Variants in SLC17A3 observed in about 807,000 individuals in gnomAD.
SLC17A3 encodes solute carrier family 17 member 3.
A neutral mutation model predicts 60.3 loss-of-function variants in SLC17A3; 61 were observed. The ratio of observed to expected loss-of-function variants is 1.01; its 90% CI spans 0.82 to 1.25. The LOEUF (loss-of-function observed/expected upper bound fraction) is 1.25, where lower values mean the gene tolerates loss of function less well. Ranked by LOEUF, SLC17A3 falls within the 50% of genes most tolerant of loss-of-function variation. The pLI, the probability that SLC17A3 is intolerant of heterozygous loss-of-function variation, is 0.00. For missense variants in SLC17A3, 624 were observed against 594.9 expected (o/e 1.05, Z -0.51); for synonymous variants, 192 against 208.9 (o/e 0.92, Z 0.70).
At chr6:25,862,591 T>G (rs1765471167) in intron 2 of SLC17A3, 147 bp from the exon 3 acceptor site, 2 of 744,714 alleles carry the variant, frequency 2.7e-6, no homozygotes, top group Non-Finnish European at 4.6e-6. Context: ...GAAAGGAAGA[T>G]ACAAAAGGAG....
chr6:25,872,852 A>T (rs1765667711), intron 1 of SLC17A3, among the ~76,000 whole-genome samples: 1 of 151,888 alleles, frequency 6.6e-6, no homozygotes, highest in South Asian at 2.1e-4. Context: ...CTGACTTTTG[A>T]AAATATTAAT....
At chr6:25,853,965 C>T (rs1041692968) in intron 6 of SLC17A3, among the ~76,000 whole-genome samples, 4 of 152,028 alleles carry the variant, frequency 2.6e-5, no homozygotes, top group Non-Finnish European at 4.4e-5. Context: ...TTTTCTTTAA[C>T]TCATTGGAAG....
intron 5 of SLC17A3, among the ~76,000 whole-genome samples, chr6:25,859,969 T>C (rs149219240): frequency 6.6e-6 from 1 of 152,278 alleles, no homozygotes; most frequent in Non-Finnish European, 1.5e-5. Context: ...ACCTCTGGGA[T>C]AGCTTGTCTG....
At chr6:25,854,528 T>C (rs1458357265) in intron 6 of SLC17A3, among the ~76,000 whole-genome samples, 1 of 152,180 alleles carries the variant, frequency 6.6e-6, no homozygotes, top group Non-Finnish European at 1.5e-5. Flanking sequence ...AAGAGCTCAC[T>C]GTCCAGAAGG....
chr6:25,861,165 T>C (rs1050234615), intron 5 of SLC17A3, among the ~76,000 whole-genome samples: 4 of 152,150 alleles, frequency 2.6e-5, no homozygotes, highest in Non-Finnish European at 5.9e-5. Context: ...AGGCAGATCA[T>C]TGTCAGCAAG....
intron 5 of SLC17A3, among the ~76,000 whole-genome samples, chr6:25,858,877 T>C (rs1444671108): frequency 6.6e-6 from 1 of 152,242 alleles, no homozygotes; most frequent in East Asian, 1.9e-4. Context: ...TCACATGTAT[T>C]AACCTGTGTG....
intron 1 of SLC17A3, among the ~76,000 whole-genome samples, chr6:25,870,268 G>T (rs557860079): frequency 6.6e-6 from 1 of 151,932 alleles, no homozygotes; most frequent in Admixed American, 6.6e-5. Flanking sequence ...AAATTGCCCT[G>T]GTTCTATATT....
Position 25,855,206 on chromosome 6 carries a change from G to T in SLC17A3, c.650C>A (p.Ala217Asp), listed in dbSNP as rs142245133. The change falls in exon 6 of 13, where the codon GCC becomes GAC. Residue 217 changes from alanine to aspartate, a missense_variant. Coordinates refer to ENST00000397060, the MANE Select transcript of SLC17A3 (RefSeq NM_001098486.2). ...ACTAATGAAGCCACCTATGAGGATG[G>T]CAGTAAAGCATCCCAGTAACATTCC... ...LSGMLLGCFT[A>D]ILIGGFISET... The T allele has an allele frequency of 5.2e-5, 84 of 1,613,124 alleles. No individual in the cohort carries two copies. Among genetic ancestry groups the T allele is most frequent in the Non-Finnish European group, 6.6e-5 (78 of 1,179,382 alleles).
intron 2 of SLC17A3, among the ~76,000 whole-genome samples, chr6:25,866,927 G>T (rs1765545451): frequency 6.6e-6 from 1 of 151,882 alleles, no homozygotes; most frequent in African/African-American, 2.4e-5. Flanking sequence ...CAATAATACT[G>T]CATTTTGTCA....
Position 25,849,450 on chromosome 6 carries a change from A to G in SLC17A3, c.1286T>C (p.Leu429Pro). 6.2e-7 allele frequency: 1 copy of G among 1,609,570 alleles called. No homozygotes were observed. The highest frequency in any genetic ancestry group is 8.5e-7 in the Non-Finnish European group (1 of 1,175,854). The change falls in exon 11 of 13, where the codon CTC becomes CCC. Residue 429 changes from leucine to proline, a missense_variant. Physicochemically the swap from Leu to Pro is moderately conservative, Grantham distance 98. Coordinates refer to ENST00000397060, the MANE Select transcript of SLC17A3 (RefSeq NM_001098486.2). ...LDIAPRYSSF[L>P]MGASRGFSSI... ...CGAAAATCCTCTTGATGCTCCCATGAGAAAACTGGAATACCTGTGGGTGAC... is the reference window on the plus strand; with the variant it reads ...CGAAAATCCTCTTGATGCTCCCATGGGAAAACTGGAATACCTGTGGGTGAC...
intron 2 of SLC17A3, among the ~76,000 whole-genome samples, chr6:25,866,331 C>T (rs1245714275): frequency 3.9e-5 from 6 of 152,008 alleles, no homozygotes; most frequent in African/African-American, 1.4e-4. Context: ...AGCCAGAGCC[C>T]TCAGTCATAC....
chr6:25,862,207 A>G, intron 3 of SLC17A3, 26 bp downstream of exon 3: 1 of 1,590,478 alleles, frequency 6.3e-7, no homozygotes, highest in Non-Finnish European at 8.6e-7. Flanking sequence ...AAAGAAAAGC[A>G]CAAATTTATA....
chr6:25,866,845 T>C (rs1765543575), intron 2 of SLC17A3, among the ~76,000 whole-genome samples: 1 of 151,930 alleles, frequency 6.6e-6, no homozygotes, highest in South Asian at 2.1e-4. Context: ...GCTAAGATAA[T>C]TGGTTACATA....
Position 25,850,587 on chromosome 6 carries a change from C to T in SLC17A3, c.865G>A (p.Ala289Thr). ...CAAATGGGTAGAGATCTGAGCATAG[C>T]TTTGATGGGAAGAGGCTGCTTAGAA... ...GSSKQPLPIK[A>T]MLRSLPIWSI... Residue 289 changes from alanine to threonine, a missense_variant, in exon 8 of 13, where the codon GCT (alanine) becomes ACT (threonine). Ala to Thr is a moderately conservative substitution (Grantham distance 58). Transcript: ENST00000397060. 6.2e-7 allele frequency: 1 copy of T among 1,613,984 alleles called. No homozygotes were observed.
intron 11 of SLC17A3, among the ~76,000 whole-genome samples, chr6:25,847,913 T>G (rs1171209849): frequency 6.6e-6 from 1 of 152,054 alleles, no homozygotes; most frequent in Non-Finnish European, 1.5e-5. Context: ...ACCTTCCCCC[T>G]GAGTCCTCAA....
At chr6:25,860,697 G>A (rs1050598911) in intron 5 of SLC17A3, among the ~76,000 whole-genome samples, 6 of 152,134 alleles carry the variant, frequency 3.9e-5, no homozygotes, top group African/African-American at 1.4e-4. Flanking sequence ...TCTAGATACT[G>A]TCATTTGACC....
rs148695400 is a variant in SLC17A3, at chr6:25,857,525, T to C, written c.626-2295A>G. Among the ~76,000 whole-genome samples, 685 of 151,702 alleles carry C rather than the reference T, an allele frequency of 4.5e-3. 7 individuals carry two copies. Among genetic ancestry groups the C allele is most frequent in the Admixed American group, 0.011 (170 of 15,264 alleles). ...ATAATGACCTCTACGTTTACTCTTT[T>C]GTTTAGAAGATCTTTTCCTACCACA... On this transcript the variant is annotated intron_variant, in intron 5 of 12. Transcript: ENST00000397060.
At chr6:25,850,273 T>C in intron 8 of SLC17A3, 96 bp from the exon 9 acceptor site, 1 of 1,439,344 alleles carries the variant, frequency 6.9e-7, no homozygotes, top group East Asian at 2.5e-5. Flanking sequence ...CATTCTGAAA[T>C]CATACTTTCT....
At chr6:25,864,879 T>G (rs2151526168) in intron 2 of SLC17A3, among the ~76,000 whole-genome samples, 1 of 152,058 alleles carries the variant, frequency 6.6e-6, no homozygotes, top group East Asian at 1.9e-4. Context: ...CTGGGGCTCT[T>G]CAGTGTTTGG....
Sources: allele counts gnomAD v4.1 joint callset (sites outside exome capture counted in the v4.1 genomes callset), GRCh38; gene constraint gnomAD v4.1.1; transcripts MANE v1.5; gene names NCBI Gene and HGNC (gene_info 2026-07-23, HGNC 2026-07-21).